The following MACROD2 variants were observed in gnomAD, a reference collection of about 807,000 sequenced individuals.
The protein encoded by MACROD2 is mono-ADP ribosylhydrolase 2, also known as ADP-ribose glycohydrolase MACROD2.
MACROD2 carries 36 observed loss-of-function variants against 70.4 expected under a neutral mutation model. The observed-to-expected ratio is 0.51, with a 90% CI of 0.39 to 0.68. The LOEUF (loss-of-function observed/expected upper bound fraction) is 0.68. Ranked by LOEUF, MACROD2 falls within the 30% of genes least tolerant of loss-of-function variation. MACROD2 has a pLI of 0.00. For missense variants in MACROD2, 496 were observed against 538.4 expected (o/e 0.92, Z 0.78); for synonymous variants, 172 against 178.8 (o/e 0.96, Z 0.30).
chr20:14,644,235 G>T lies in MACROD2; in HGVS notation c.302-40608G>T, dbSNP rs1985250832. 2.0e-5 allele frequency among the ~76,000 whole-genome samples: 3 copies of T among 152,138 alleles called. No individual in the cohort carries two copies. In the South Asian group the frequency reaches 6.2e-4, roughly 32 times the overall value. The stretch of plus-strand genomic sequence containing the variant: ...CACAAGGCAAGGGCTTTCTTCTCAT[G>T]ACAAAGAGCCTGATGTAGCTGCTTA... On this transcript the variant is annotated intron_variant, in intron 4 of 17. Coordinates refer to ENST00000684519, the MANE Select transcript of MACROD2 (RefSeq NM_001351661.2).
chr20:15,191,480 A>G (rs1386940676), intron 5 of MACROD2, among the ~76,000 whole-genome samples: 1 of 150,594 alleles, frequency 6.6e-6, no homozygotes, highest in African/African-American at 2.5e-5. Context: ...GGGGCAGCCA[A>G]AACTGTGTGC....
chr20:14,550,263 C>T (rs762007481), intron 4 of MACROD2, among the ~76,000 whole-genome samples: 1 of 152,052 alleles, frequency 6.6e-6, no homozygotes, highest in African/African-American at 2.4e-5. Context: ...CATTCAGCTC[C>T]ACCTCTAATT....
intron 8 of MACROD2, among the ~76,000 whole-genome samples, chr20:15,553,872 G>A (rs377150125): frequency 8.5e-5 from 13 of 152,334 alleles, no homozygotes; most frequent in South Asian, 2.1e-4. Flanking sequence ...CTTGTAGGCC[G>A]TTGAATACTG....
intron 7 of MACROD2, among the ~76,000 whole-genome samples, chr20:15,491,111 C>T (rs577750314): frequency 3.3e-4 from 51 of 152,246 alleles, no homozygotes; most frequent in African/African-American, 1.2e-3. Flanking sequence ...CTAACAGCAG[C>T]GGCACTAGCA....
intron 8 of MACROD2, among the ~76,000 whole-genome samples, chr20:15,529,658 C>G (rs1390895701): frequency 6.6e-6 from 1 of 152,068 alleles, no homozygotes; most frequent in African/African-American, 2.4e-5. Context: ...TATCTTTAAA[C>G]TGTAATAGTT....
At chr20:15,593,273 T>A (rs1007011099) in intron 8 of MACROD2, among the ~76,000 whole-genome samples, 23 of 152,196 alleles carry the variant, frequency 1.5e-4, no homozygotes, top group Admixed American at 2.0e-4. Flanking sequence ...TCATGGCAGA[T>A]TGATAAGGAG....
chr20:15,476,608 G>A (rs1877892808), intron 7 of MACROD2, among the ~76,000 whole-genome samples: 1 of 151,712 alleles, frequency 6.6e-6, no homozygotes, highest in South Asian at 2.1e-4. Flanking sequence ...GCACAGTGTA[G>A]TTTTTACATC....
chr20:15,661,791 C>T (rs984956918), intron 8 of MACROD2, among the ~76,000 whole-genome samples: 20 of 152,122 alleles, frequency 1.3e-4, no homozygotes, highest in Admixed American at 9.8e-4. Flanking sequence ...CCTTAGGCTT[C>T]CACTCTGTAA....
At chr20:15,885,851 G>C in intron 10 of MACROD2, 40 bp downstream of exon 10, 1 of 1,477,162 alleles carries the variant, frequency 6.8e-7, no homozygotes, top group Non-Finnish European at 9.0e-7. Context: ...GGTAGGTAGG[G>C]GTCATTTTGT....
chr20:14,136,460 T>C (rs1408543179), intron 3 of MACROD2, among the ~76,000 whole-genome samples: 2 of 152,322 alleles, frequency 1.3e-5, no homozygotes, highest in African/African-American at 2.4e-5. Context: ...TTATTTAGTT[T>C]TTCTTAGCCT....
At chr20:14,118,199 A>G (rs564788054) in intron 3 of MACROD2, among the ~76,000 whole-genome samples, 1 of 152,236 alleles carries the variant, frequency 6.6e-6, no homozygotes, top group Admixed American at 6.5e-5. Context: ...TTATCTTGCT[A>G]TAAGTTTTGT....
chr20:14,287,049 G>A (rs935056973), intron 3 of MACROD2, among the ~76,000 whole-genome samples: 1 of 152,020 alleles, frequency 6.6e-6, no homozygotes, highest in African/African-American at 2.4e-5. Context: ...TGAGTGATAG[G>A]TCTGTTTTCT....
intron 8 of MACROD2, among the ~76,000 whole-genome samples, chr20:15,535,200 C>T (rs118059899): frequency 6.6e-6 from 1 of 152,102 alleles, no homozygotes; most frequent in Admixed American, 6.6e-5. Context: ...TAGTCTTGAA[C>T]TTGCTTTTTA....
chr20:15,640,063 G>A (rs1286880590), intron 8 of MACROD2, among the ~76,000 whole-genome samples: 1 of 150,416 alleles, frequency 6.6e-6, no homozygotes, highest in Non-Finnish European at 1.5e-5. Context: ...GAGAAAGGGG[G>A]CGTGAGAGAA....
intron 5 of MACROD2, among the ~76,000 whole-genome samples, chr20:14,882,025 A>G (rs1463886772): frequency 3.9e-5 from 6 of 152,232 alleles, no homozygotes; most frequent in Admixed American, 3.9e-4. Flanking sequence ...AAAAGAGGAA[A>G]TTGAGGCACA....
At chr20:15,110,787 T>C (rs2075948216) in intron 5 of MACROD2, among the ~76,000 whole-genome samples, 1 of 152,170 alleles carries the variant, frequency 6.6e-6, no homozygotes, top group African/African-American at 2.4e-5. Context: ...TCCAGCAGCT[T>C]GTAGTTGGGT....
intron 5 of MACROD2, among the ~76,000 whole-genome samples, chr20:15,166,709 T>G (rs978113813): frequency 6.6e-6 from 1 of 151,894 alleles, no homozygotes; most frequent in African/African-American, 2.4e-5. Flanking sequence ...TTAAGGGTAT[T>G]TATTTAGTCT....
At chr20:14,260,169 ACT>A (rs1175576213) in intron 3 of MACROD2, among the ~76,000 whole-genome samples, 1 of 152,158 alleles carries the variant, frequency 6.6e-6, no homozygotes, top group African/African-American at 2.4e-5. Flanking sequence ...TAAGAAGAAC[ACT>A]GTTTTGTGTG....
At chr20:14,233,668 G>T (rs6079365) in intron 3 of MACROD2, among the ~76,000 whole-genome samples, 137,494 of 141,986 alleles carry the variant, frequency 0.97, 66,592 homozygotes, top group Admixed American at 0.99. Context: ...CTGCACTCCC[G>T]CCTGGGCGAC....
Sources: allele counts gnomAD v4.1 joint callset (sites outside exome capture counted in the v4.1 genomes callset), GRCh38; gene constraint gnomAD v4.1.1; transcripts MANE v1.5; gene names NCBI Gene and HGNC (gene_info 2026-07-23, HGNC 2026-07-21).